HTR4: variants seen among roughly 807,000 people sequenced by gnomAD.
The protein encoded by HTR4 is 5-hydroxytryptamine receptor 4.
In HTR4, 16 loss-of-function variants were observed where a neutral mutation model predicts 36.8. That is an observed-to-expected ratio of 0.43 (90% CI 0.29 to 0.66). The LOEUF (loss-of-function observed/expected upper bound fraction) is 0.66, where lower values mean the gene tolerates loss of function less well. HTR4 is among the 30% of genes least tolerant of loss of function. The pLI is 0.13. For missense variants in HTR4, 438 were observed against 490.9 expected (o/e 0.89, Z 1.02); for synonymous variants, 189 against 185.1 (o/e 1.02, Z -0.17).
chr5:148,483,951 TTATTTATTTA>T, intron 6 of HTR4, among the ~76,000 whole-genome samples: 1 of 117,540 alleles, frequency 8.5e-6, no homozygotes, highest in African/African-American at 3.1e-5. Context: ...ATTTATTTAT[TTATTTATTTA>T]TTTATTTATT....
chr5:148,615,832 T>C (rs1382969442), intron 2 of HTR4, among the ~76,000 whole-genome samples: 1 of 152,206 alleles, frequency 6.6e-6, no homozygotes, highest in African/African-American at 2.4e-5. Context: ...GACTTTCACT[T>C]GTCAATCAAT....
chr5:148,560,162 GTTTTTTCTTTTC>G (rs1296768822), intron 2 of HTR4, among the ~76,000 whole-genome samples: 2 of 133,024 alleles, frequency 1.5e-5, no homozygotes, highest in Middle Eastern at 8.8e-3. Flanking sequence ...CCCAGTTAAC[GTTTTTTCTTTTC>G]TTTTTTCTTT....
intron 5 of HTR4, chr5:148,451,338 G>A (rs1754969272): frequency 6.2e-7 from 1 of 1,609,292 alleles, no homozygotes; most frequent in African/African-American, 1.3e-5. Context: ...GAAGTCAAGA[G>A]CACTCCTTCT....
At chr5:148,590,466 T>A (rs573153043) in intron 2 of HTR4, among the ~76,000 whole-genome samples, 3 of 151,942 alleles carry the variant, frequency 2.0e-5, no homozygotes, top group Non-Finnish European at 4.4e-5. Context: ...TTGGCTAATT[T>A]TGGATTTTTA....
intron 6 of HTR4, among the ~76,000 whole-genome samples, chr5:148,506,264 G>T (rs1037519088): frequency 6.6e-6 from 1 of 152,122 alleles, no homozygotes; most frequent in Non-Finnish European, 1.5e-5. Flanking sequence ...ACAAAAACAA[G>T]AAATGCGGAA....
chr5:148,644,329 A>G (rs1354386596), intron 1 of HTR4, among the ~76,000 whole-genome samples: 1 of 151,872 alleles, frequency 6.6e-6, no homozygotes, highest in Non-Finnish European at 1.5e-5. Flanking sequence ...TGTTGACTAA[A>G]AGGATTCAAA....
intron 2 of HTR4, among the ~76,000 whole-genome samples, chr5:148,583,816 T>C (rs1761245307): frequency 6.6e-6 from 1 of 152,114 alleles, no homozygotes; most frequent in African/African-American, 2.4e-5. Context: ...TGGTCATTTT[T>C]CGGCTGCTTT....
At chr5:148,539,222 A>C (rs1335788472) in intron 4 of HTR4, among the ~76,000 whole-genome samples, 2 of 152,224 alleles carry the variant, frequency 1.3e-5, no homozygotes, top group Non-Finnish European at 2.9e-5. Flanking sequence ...ACAAAAGCCA[A>C]CTGAAGATGG....
chr5:148,522,608 C>A (rs148159014), intron 5 of HTR4, among the ~76,000 whole-genome samples: 3 of 152,190 alleles, frequency 2.0e-5, no homozygotes, highest in Admixed American at 1.3e-4. Flanking sequence ...GTAAAGCAGA[C>A]TTTATTCAGG....
downstream of HTR4, among the ~76,000 whole-genome samples, chr5:148,472,339 GAT>G (rs1755589302): frequency 6.6e-6 from 1 of 152,178 alleles, no homozygotes; most frequent in Non-Finnish European, 1.5e-5. Flanking sequence ...TGGTGAAATT[GAT>G]AGCATTTTTT....
intron 5 of HTR4, among the ~76,000 whole-genome samples, chr5:148,455,359 T>C (rs186759930): frequency 6.6e-6 from 1 of 152,304 alleles, no homozygotes; most frequent in African/African-American, 2.4e-5. Context: ...GTATCCTAGT[T>C]GAGAAGGCAA....
At chr5:148,483,355 G>A in intron 6 of HTR4, 62 bp from the exon 7 acceptor site, 1 of 1,448,460 alleles carries the variant, frequency 6.9e-7, no homozygotes, top group Non-Finnish European at 9.5e-7. Context: ...ATCATCTCCT[G>A]AAAGAGCCCA....
chr5:148,475,053 A>AG (rs1217787810), downstream of HTR4, among the ~76,000 whole-genome samples: 1 of 151,900 alleles, frequency 6.6e-6, no homozygotes, highest in Non-Finnish European at 1.5e-5. Context: ...TCCAAAAAAA[A>AG]AAGTAGTCTC....
chr5:148,648,534 C>T (rs1162803085), intron 1 of HTR4, among the ~76,000 whole-genome samples: 1 of 152,196 alleles, frequency 6.6e-6, no homozygotes, highest in Non-Finnish European at 1.5e-5. Flanking sequence ...CTATTACAAG[C>T]CACAGTATGT....
chr5:148,595,080 A>AG (rs201544891), intron 2 of HTR4, among the ~76,000 whole-genome samples: 1 of 148,082 alleles, frequency 6.8e-6, no homozygotes, highest in East Asian at 1.9e-4. Flanking sequence ...CTCTGAAAAC[A>AG]GTTTTTTTTT....
At chr5:148,623,110 A>AAGT (rs1298715378) in intron 2 of HTR4, among the ~76,000 whole-genome samples, 1 of 152,160 alleles carries the variant, frequency 6.6e-6, no homozygotes, top group Non-Finnish European at 1.5e-5. Flanking sequence ...AAGACAAGGC[A>AAGT]AGTAGAATGC....
At chr5:148,625,436 A>T (rs1753064507) in intron 2 of HTR4, among the ~76,000 whole-genome samples, 1 of 152,238 alleles carries the variant, frequency 6.6e-6, no homozygotes, top group South Asian at 2.1e-4. Flanking sequence ...TTTAAAAAAT[A>T]CATGACTAAT....
chr5:148,647,741 C>T (rs975731140), intron 1 of HTR4, among the ~76,000 whole-genome samples: 4 of 152,150 alleles, frequency 2.6e-5, no homozygotes, highest in Admixed American at 1.3e-4. Context: ...CCCAGCTACT[C>T]GGGCGGCTGA....
chr5:148,459,847 A>C (rs1292048975), intron 5 of HTR4, among the ~76,000 whole-genome samples: 11 of 152,354 alleles, frequency 7.2e-5, no homozygotes, highest in African/African-American at 2.6e-4. Flanking sequence ...GAATTATCAG[A>C]CTGGGAACTT....
Sources: gnomAD v4.1 joint callset for allele counts (sites outside exome capture counted in the v4.1 genomes callset) on GRCh38, gnomAD v4.1.1 for gene constraint, MANE v1.5 for transcripts, NCBI Gene and HGNC (gene_info 2026-07-23, HGNC 2026-07-21) for gene names.